NEDD1: variants seen among roughly 807,000 people sequenced by gnomAD.
NEDD1 encodes the protein NEDD1 gamma-tubulin ring complex targeting factor.
NEDD1 carries 33 observed loss-of-function variants against 74.0 expected under a neutral mutation model. That is an observed-to-expected ratio of 0.45 (90% CI 0.34 to 0.60). The LOEUF (loss-of-function observed/expected upper bound fraction) is 0.60. NEDD1 is among the 20% of genes least tolerant of loss of function. The pLI is 0.01. For synonymous variants in NEDD1, 250 were observed against 264.4 expected (o/e 0.95, Z 0.53); for missense variants, 746 against 776.5 (o/e 0.96, Z 0.47).
Position 96,909,860 on chromosome 12 carries a change from C to T in NEDD1, c.101C>T (p.Pro34Leu), listed in dbSNP as rs1022601003. Residue 34 changes from proline to leucine, a missense_variant, in exon 3 of 16, where the codon CCA becomes CTA. Physicochemically the swap from Pro to Leu is moderately conservative, Grantham distance 98 (BLOSUM62 -3). This residue lies in a region of NEDD1 where 706 missense variants were observed against 706.7 expected (regional missense o/e 1.00). Transcript: ENST00000266742. ...LVDKFNPHTS[P>L]HGISSICWSS... ...GATAAATTCAACCCACACACATCAC[C>T]ACATGGAATCAGCTCAATATGTTGG... 3.1e-6 allele frequency: 5 copies of T among 1,613,068 alleles called. No homozygotes were observed. In the African/African-American group the frequency reaches 5.4e-5, roughly 17 times the overall value.
At position 96,943,497 on chromosome 12, in the gene NEDD1, G is replaced by A. The variant is rs973255291; in HGVS notation, c.1295-63G>A. 9.4e-6 allele frequency: 10 copies of A among 1,067,176 alleles called. No homozygotes were observed. The African/African-American group carries it at 1.6e-4, about 17-fold the overall frequency. The allele number at this position is 1,067,176 out of a possible 1,614,324, so 66.1% of individuals were successfully genotyped here. A position where few individuals can be genotyped will look rare whatever the true frequency, so the allele number is the denominator to read the frequency against. ...TGTTAATCTGCCTATCATGTTAAAT[G>A]CTTTTCTTCAATGTCCAAAATTGGA... On this transcript the variant is annotated intron_variant, in intron 11 of 15. Transcript: ENST00000266742.
chr12:96,912,430 A>C (rs1874013603), intron 3 of NEDD1: 1 of 209,766 alleles, frequency 4.8e-6, no homozygotes, highest in East Asian at 1.0e-4. Context: ...TGAAGGATAA[A>C]ATTAGCCCTT....
chr12:96,944,954 A>G (rs995278323), intron 13 of NEDD1, among the ~76,000 whole-genome samples, 159 bp downstream of exon 13: 3 of 152,120 alleles, frequency 2.0e-5, no homozygotes, highest in East Asian at 3.8e-4. Context: ...ACTAAAGACA[A>G]TGAAATGGAT....
intron 6 of NEDD1, among the ~76,000 whole-genome samples, chr12:96,932,487 T>TATATATATATATATAA (rs1300455459): frequency 1.3e-5 from 1 of 75,078 alleles, no homozygotes; most frequent in African/African-American, 5.0e-5. Flanking sequence ...TATATATATA[T>TATATATATATATATAA]AAAATGCACA....
intron 6 of NEDD1, among the ~76,000 whole-genome samples, chr12:96,928,681 CTTTTTTTTTTTTT>C (rs34575410): frequency 1.1e-5 from 1 of 87,694 alleles, no homozygotes; most frequent in Non-Finnish European, 2.2e-5. Context: ...TAGTGTGTTT[CTTTTTTTTTTTTT>C]TTTTTTTTTT....
chr12:96,909,397 A>G (rs1413586230), intron 2 of NEDD1, among the ~76,000 whole-genome samples: 1 of 152,158 alleles, frequency 6.6e-6, no homozygotes, highest in Non-Finnish European at 1.5e-5. Context: ...CATCTTAGGC[A>G]CAGGGAGCAG....
Position 96,912,728 on chromosome 12 carries a change from T to C in NEDD1, c.142T>C (p.Phe48Leu). The C allele has an allele frequency of 6.4e-7, 1 of 1,563,404 alleles. No homozygotes were observed. Among genetic ancestry groups the C allele is most frequent in the Non-Finnish European group, 8.8e-7 (1 of 1,134,890 alleles). The change falls in exon 4 of 16, where the codon TTT (phenylalanine) becomes CTT (leucine). Residue 48 changes from phenylalanine to leucine, a missense_variant. Coordinates refer to ENST00000266742, the MANE Select transcript of NEDD1 (RefSeq NM_152905.4). ...SSICWSSNNN[F>L]LVTASSSGDK... ...CTCCATAACTCCTCATTTAGATAAC[T>C]TTTTAGTAACAGCATCTTCCAGTGG...
chr12:96,930,763 T>G (rs539402979), intron 6 of NEDD1, among the ~76,000 whole-genome samples: 1 of 152,234 alleles, frequency 6.6e-6, no homozygotes, highest in Admixed American at 6.5e-5. Context: ...GGACCAACCC[T>G]GAGTGTGGGA....
intron 14 of NEDD1, 143 bp downstream of exon 14, chr12:96,945,992 G>A (rs945907405): frequency 3.6e-6 from 2 of 549,084 alleles, no homozygotes; most frequent in East Asian, 2.8e-5. Flanking sequence ...AATGAGTTTT[G>A]TTGATCTTTT....
intron 6 of NEDD1, among the ~76,000 whole-genome samples, chr12:96,924,575 GC>G (rs1697023648): frequency 6.6e-6 from 1 of 151,960 alleles, no homozygotes; most frequent in South Asian, 2.1e-4. Flanking sequence ...ATTTCTAATT[GC>G]ATTTTTTGTT....
intron 6 of NEDD1, among the ~76,000 whole-genome samples, chr12:96,928,878 A>G (rs1212200926): frequency 6.6e-6 from 1 of 151,240 alleles, no homozygotes; most frequent in Non-Finnish European, 1.5e-5. Flanking sequence ...TGTAGTAGAG[A>G]TGGAGGTTTC....
chr12:96,912,661 T>C (rs532337163), intron 3 of NEDD1, 62 bp from the exon 4 acceptor site: 96 of 790,780 alleles, frequency 1.2e-4, no homozygotes, highest in African/African-American at 1.2e-3. Flanking sequence ...TCGCAATTCT[T>C]ATAATAGTCT....
At chr12:96,917,115 G>A (rs959049405) in intron 4 of NEDD1, among the ~76,000 whole-genome samples, 1 of 152,120 alleles carries the variant, frequency 6.6e-6, no homozygotes, top group African/African-American at 2.4e-5. Flanking sequence ...TCTCCTTAAC[G>A]GAGATTTGCT....
At chr12:96,907,885 C>T (rs1405163485) in intron 2 of NEDD1, 29 bp downstream of exon 2, 1 of 1,325,340 alleles carries the variant, frequency 7.5e-7, no homozygotes, top group African/African-American at 1.5e-5. Context: ...CTCTTCCCCG[C>T]CCCGCTTTAA....
intron 6 of NEDD1, among the ~76,000 whole-genome samples, chr12:96,932,489 A>ATATATATATATATATATATAG (rs1201702643): frequency 8.5e-5 from 5 of 58,510 alleles, no homozygotes; most frequent in Non-Finnish European, 1.9e-4. Flanking sequence ...TATATATATA[A>ATATATATATATATATATATAG]AATGCACACA....
At position 96,943,728 on chromosome 12, in the gene NEDD1, T is replaced by C; in HGVS notation, c.1463T>C (p.Met488Thr). 2 of 1,611,900 alleles carry C rather than the reference T, an allele frequency of 1.2e-6. No homozygotes were observed. Among genetic ancestry groups the C allele is most frequent in the Admixed American group, 1.7e-5 (1 of 59,920 alleles). ...DLTAESKKIY[M>T]GKQESKDSFK... ...ACAGCTGAGTCTAAGAAAATATATATGGGAAAACAGGAATCTAAAGACTCC... is the reference window on the plus strand; with the variant it reads ...ACAGCTGAGTCTAAGAAAATATATACGGGAAAACAGGAATCTAAAGACTCC... The change falls in exon 12 of 16, where the codon ATG becomes ACG. Residue 488 changes from methionine to threonine, a missense_variant. Physicochemically the swap from Met to Thr is moderately conservative, Grantham distance 81. This residue lies in a region of NEDD1 where 706 missense variants were observed against 706.7 expected (regional missense o/e 1.00). Transcript: ENST00000266742.
At chr12:96,927,012 A>C (rs1157758269) in intron 6 of NEDD1, among the ~76,000 whole-genome samples, 1 of 149,482 alleles carries the variant, frequency 6.7e-6, no homozygotes. Context: ...GTGTGTGTAT[A>C]ATATATATCA....
chr12:96,924,299 G>A (rs967765030), intron 6 of NEDD1, among the ~76,000 whole-genome samples: 1 of 152,082 alleles, frequency 6.6e-6, no homozygotes, highest in African/African-American at 2.4e-5. Context: ...ACTACTATGG[G>A]CCTTTTGCAT....
rs1467290043 is a variant in NEDD1 at position 96,912,565 on chromosome 12, TTATTAA to T, written c.137-155_137-150del. 6.2e-6 allele frequency: 3 copies of T among 485,766 alleles called. No homozygotes were observed. The Admixed American group carries it at 1.2e-4, about 19-fold the overall frequency. 30.1% of individuals were successfully genotyped at this position (485,766 alleles called of 1,614,324 possible). A position where few individuals can be genotyped will look rare whatever the true frequency, so the allele number is the denominator to read the frequency against. On this transcript the variant is annotated intron_variant, in intron 3 of 15. Transcript: ENST00000266742. ...TAGCAAAGAGAATTAGTCTTAGTAA[TTATTAA>T]TAGTAATGTGAGCCATTTTTGAAAG...
Sources: gnomAD v4.1 joint callset for allele counts (sites outside exome capture counted in the v4.1 genomes callset) on GRCh38, gnomAD v4.1.1 for gene constraint, gnomAD v4.1.1 regional missense constraint, MANE v1.5 for transcripts, NCBI Gene and HGNC (gene_info 2026-07-23, HGNC 2026-07-21) for gene names.